Variants in UNC80 observed in about 807,000 individuals in gnomAD.
UNC80 encodes the protein protein unc-80 homolog.
Under a neutral mutation model 384.6 loss-of-function variants are expected in UNC80, and 164 were observed. That is an observed-to-expected ratio of 0.43 (90% CI 0.38 to 0.49). UNC80 has a LOEUF of 0.49. UNC80 is among the 20% of genes least tolerant of loss of function. The pLI is 0.00. For synonymous variants in UNC80, 1,486 were observed against 1,527.8 expected (o/e 0.97, Z 0.64); for missense variants, 3,330 against 4,143.0 (o/e 0.80, Z 5.39).
chr2:209,903,019 C>G (rs2087600662), intron 28 of UNC80, among the ~76,000 whole-genome samples: 1 of 150,816 alleles, frequency 6.6e-6, no homozygotes, highest in African/African-American at 2.4e-5. Context: ...GATGAGCAAG[C>G]CCCTGGTATA....
intron 24 of UNC80, 128 bp from the exon 25 acceptor site, chr2:209,880,833 G>T: frequency 3.5e-6 from 3 of 845,306 alleles, no homozygotes; most frequent in Non-Finnish European, 5.5e-6. Flanking sequence ...ATTGGATGTT[G>T]GACATATATA....
chr2:209,916,019 A>T (rs1200591641), intron 31 of UNC80, among the ~76,000 whole-genome samples: 1 of 152,240 alleles, frequency 6.6e-6, no homozygotes, highest in Admixed American at 6.5e-5. Flanking sequence ...GCATATTTTT[A>T]AAATAAATTT....
intron 25 of UNC80, among the ~76,000 whole-genome samples, chr2:209,885,545 A>G (rs1248383985): frequency 6.6e-6 from 1 of 152,170 alleles, no homozygotes; most frequent in Non-Finnish European, 1.5e-5. Context: ...TGGCTACCAC[A>G]GTGGAAGGTA....
intron 7 of UNC80, among the ~76,000 whole-genome samples, chr2:209,798,215 T>G (rs1402346737): frequency 6.6e-6 from 1 of 152,254 alleles, no homozygotes; most frequent in African/African-American, 2.4e-5. Flanking sequence ...TTTTTGCATT[T>G]TAGTCATGAA....
At chr2:209,813,255 C>G (rs2079493735) in intron 7 of UNC80, among the ~76,000 whole-genome samples, 1 of 152,208 alleles carries the variant, frequency 6.6e-6, no homozygotes, top group South Asian at 2.1e-4. Flanking sequence ...GTCTCCCCTT[C>G]AAACTCGTGG....
chr2:209,862,239 T>G (rs1232390468), intron 22 of UNC80, among the ~76,000 whole-genome samples: 4 of 152,194 alleles, frequency 2.6e-5, no homozygotes, highest in African/African-American at 9.6e-5. Context: ...ATTGTCTCTT[T>G]GTTCTCATTG....
chr2:209,773,660 G>T (rs1015142906), intron 2 of UNC80, among the ~76,000 whole-genome samples: 2 of 152,184 alleles, frequency 1.3e-5, no homozygotes, highest in African/African-American at 4.8e-5. Context: ...GAACCAGGTG[G>T]TGTAGGGTGT....
chr2:209,808,955 T>C, intron 7 of UNC80: 1 of 316,048 alleles, frequency 3.2e-6, no homozygotes, highest in Non-Finnish European at 6.1e-6. Context: ...CCAACACTCA[T>C]CTGGGACGCC....
intron 5 of UNC80, among the ~76,000 whole-genome samples, chr2:209,787,825 TCTACTC>T (rs2153825361): frequency 6.6e-6 from 1 of 152,360 alleles, no homozygotes; most frequent in South Asian, 2.1e-4. Flanking sequence ...ATATATTTCT[TCTACTC>T]CTACTACCTA....
chr2:209,773,218 C>T, intron 2 of UNC80, 76 bp downstream of exon 2: 1 of 1,241,032 alleles, frequency 8.1e-7, no homozygotes, highest in Non-Finnish European at 1.2e-6. Context: ...GATTTTAAAT[C>T]AAACGGACTA....
intron 56 of UNC80, among the ~76,000 whole-genome samples, 179 bp from the exon 57 acceptor site, chr2:209,975,940 G>A (rs936254329): frequency 4.6e-5 from 7 of 152,084 alleles, no homozygotes; most frequent in Non-Finnish European, 8.8e-5. Flanking sequence ...TAGCATACAC[G>A]TTTTTGTCTC....
chr2:209,954,712 T>C (rs2092334691), intron 48 of UNC80, among the ~76,000 whole-genome samples: 1 of 152,220 alleles, frequency 6.6e-6, no homozygotes, highest in Non-Finnish European at 1.5e-5. Context: ...GTTTGTGAAG[T>C]GTTGTGTTTT....
intron 23 of UNC80, among the ~76,000 whole-genome samples, chr2:209,876,407 C>T (rs557667153): frequency 1.4e-4 from 22 of 152,226 alleles, no homozygotes; most frequent in African/African-American, 4.1e-4. Context: ...AAGGAAGAGA[C>T]GAATAAACAT....
intron 29 of UNC80, among the ~76,000 whole-genome samples, chr2:209,907,188 C>A (rs1299671791): frequency 2.0e-5 from 3 of 151,650 alleles, no homozygotes; most frequent in African/African-American, 7.3e-5. Context: ...TTTCAATTAT[C>A]CATCCATCCA....
At chr2:209,843,784 T>C (rs1559184029) in intron 21 of UNC80, among the ~76,000 whole-genome samples, 1 of 152,166 alleles carries the variant, frequency 6.6e-6, no homozygotes, top group Non-Finnish European at 1.5e-5. Flanking sequence ...AATTAATAAT[T>C]TGTGGGTACA....
chr2:209,939,329 A>T, intron 42 of UNC80, 143 bp from the exon 43 acceptor site: 2 of 736,776 alleles, frequency 2.7e-6, no homozygotes, highest in Non-Finnish European at 4.3e-6. Context: ...ATAAAAACAC[A>T]TGTCTCCCTC....
Position 209,849,511 on chromosome 2 carries a change from T to A in UNC80, c.3515T>A (p.Val1172Glu). The A allele has an allele frequency of 1.3e-6, 2 of 1,551,020 alleles. No homozygotes were observed. The highest frequency in any genetic ancestry group is 1.7e-6 in the Non-Finnish European group (2 of 1,146,546). ...PNQDGGKSKNVVNLGAIRQGM... is the reference protein window; with the variant it reads ...PNQDGGKSKNEVNLGAIRQGM... ...CAAGATGGTGGAAAAAGCAAAAACG[T>A]GGTGAATCTTGGAGCAATCCGACAA... Residue 1172 changes from valine (V) to glutamate (E), a missense_variant, in exon 22 of 65, where the codon GTG becomes GAG. Val to Glu is a moderately radical substitution (Grantham distance 121). Coordinates refer to ENST00000673920, the MANE Select transcript of UNC80 (RefSeq NM_001371986.1).
chr2:209,927,732 A>G (rs1001994811), intron 36 of UNC80, among the ~76,000 whole-genome samples: 2 of 152,238 alleles, frequency 1.3e-5, no homozygotes, highest in Non-Finnish European at 2.9e-5. Context: ...GTTTCATGAT[A>G]TGTATCAAAA....
chr2:209,830,287 A>C (rs2080860852), intron 15 of UNC80, among the ~76,000 whole-genome samples: 1 of 152,216 alleles, frequency 6.6e-6, no homozygotes, highest in African/African-American at 2.4e-5. Context: ...CCTCTATAGA[A>C]CCCCTCAAAC....
Sources: gnomAD v4.1 joint callset for allele counts (sites outside exome capture counted in the v4.1 genomes callset) on GRCh38, gnomAD v4.1.1 for gene constraint, MANE v1.5 for transcripts, NCBI Gene and HGNC (gene_info 2026-07-23, HGNC 2026-07-21) for gene names.